Variants in ITGBL1 observed in about 807,000 individuals in gnomAD.
ITGBL1 encodes the protein integrin beta-like protein 1.
A neutral mutation model predicts 68.5 loss-of-function variants in ITGBL1; 51 were observed. The ratio of observed to expected loss-of-function variants is 0.74; its 90% CI spans 0.59 to 0.94. The LOEUF (loss-of-function observed/expected upper bound fraction) is 0.94. Among genes scored for constraint, ITGBL1 ranks in the 40% least tolerant of loss-of-function variants. The pLI, the probability that ITGBL1 is intolerant of heterozygous loss-of-function variation, is 0.00. For synonymous variants in ITGBL1, 209 were observed against 227.3 expected, an observed-to-expected ratio of 0.92 and a Z score of 0.72; for missense variants, 649 against 647.4, an observed-to-expected ratio of 1.00 and a Z score of -0.03.
intron 2 of ITGBL1, among the ~76,000 whole-genome samples, chr13:101,549,350 G>C (rs1032033175): frequency 6.6e-6 from 1 of 151,782 alleles, no homozygotes; most frequent in South Asian, 2.1e-4. Context: ...AAGCATAAGA[G>C]AATTTGATCA....
intron 2 of ITGBL1, among the ~76,000 whole-genome samples, chr13:101,512,259 C>T (rs2049127813): frequency 6.6e-6 from 1 of 151,896 alleles, no homozygotes; most frequent in Non-Finnish European, 1.5e-5. Context: ...GTATTTCTTC[C>T]TCACTTCTCG....
At chr13:101,617,734 C>A (rs1293737704) in intron 7 of ITGBL1, among the ~76,000 whole-genome samples, 1 of 152,058 alleles carries the variant, frequency 6.6e-6, no homozygotes, top group Non-Finnish European at 1.5e-5. Context: ...CTAAATCAAC[C>A]TTCAGCCGTA....
chr13:101,452,690 T>C lies in ITGBL1; in HGVS notation c.-144T>C. ...TCATCAACGCAATTGCAACTCCGGC[T>C]GGAGCCCCGGACCTGCAAGCCTGGG... On this transcript the variant is annotated 5_prime_UTR_variant, in exon 1 of 11. Transcript: ENST00000376180. 5 of 663,922 alleles carry C rather than the reference T, an allele frequency of 7.5e-6. No homozygotes were observed. Among genetic ancestry groups the C allele is most frequent in the South Asian group, 1.7e-5 (1 of 57,146 alleles). The allele number at this position is 663,922 out of a possible 1,614,324, so 41.1% of individuals were successfully genotyped here.
At chr13:101,718,617 A>G (rs1358520652), downstream of ITGBL1, 3 of 151,880 alleles carry the variant, frequency 2.0e-5, no homozygotes, top group South Asian at 6.2e-4. Flanking sequence ...AAAGTCAACT[A>G]AAGTGCTAAG....
chr13:101,488,937 G>C (rs1448722899), intron 2 of ITGBL1, among the ~76,000 whole-genome samples: 1 of 152,122 alleles, frequency 6.6e-6, no homozygotes, highest in Non-Finnish European at 1.5e-5. Context: ...CGCTGAAGTG[G>C]CCCAGCTGCA....
intron 7 of ITGBL1, among the ~76,000 whole-genome samples, chr13:101,653,654 A>G (rs1165840082): frequency 6.6e-6 from 1 of 152,102 alleles, no homozygotes; most frequent in Admixed American, 6.5e-5. Context: ...ATTATGAACT[A>G]TGACCACACA....
intron 2 of ITGBL1, among the ~76,000 whole-genome samples, chr13:101,478,395 T>C (rs4290341): frequency 0.14 from 21,613 of 152,062 alleles, 2,043 homozygotes; most frequent in East Asian, 0.43. Context: ...GGGGAAAAAC[T>C]GAAAGGCTTT....
At chr13:101,694,107 G>A (rs2033946662) in intron 8 of ITGBL1, among the ~76,000 whole-genome samples, 2 of 152,138 alleles carry the variant, frequency 1.3e-5, no homozygotes, top group Non-Finnish European at 2.9e-5. Context: ...TTTCAGCTCT[G>A]ATATTTAGTT....
chr13:101,640,656 C>T (rs2032331612), intron 7 of ITGBL1, among the ~76,000 whole-genome samples: 1 of 152,082 alleles, frequency 6.6e-6, no homozygotes, highest in East Asian at 1.9e-4. Flanking sequence ...TCAGGGGGTA[C>T]ATGTGCAGGT....
intron 7 of ITGBL1, among the ~76,000 whole-genome samples, chr13:101,667,266 C>T (rs2033244044): frequency 6.6e-6 from 1 of 152,104 alleles, no homozygotes; most frequent in African/African-American, 2.4e-5. Context: ...AACTAGAGGG[C>T]TAACATATAG....
At chr13:101,518,017 G>A (rs1041976239) in intron 2 of ITGBL1, among the ~76,000 whole-genome samples, 3 of 152,118 alleles carry the variant, frequency 2.0e-5, no homozygotes, top group African/African-American at 4.8e-5. Flanking sequence ...TGTACCTGCC[G>A]TGAAGTGTCC....
chr13:101,479,752 A>G (rs1164764050), intron 2 of ITGBL1, among the ~76,000 whole-genome samples: 1 of 152,138 alleles, frequency 6.6e-6, no homozygotes, highest in Admixed American at 6.5e-5. Flanking sequence ...CAAAGCTACA[A>G]TGAGATATCG....
At chr13:101,506,996 C>T (rs2049036250) in intron 2 of ITGBL1, among the ~76,000 whole-genome samples, 1 of 152,050 alleles carries the variant, frequency 6.6e-6, no homozygotes, top group South Asian at 2.1e-4. Flanking sequence ...AGAAGGAGAA[C>T]TGCTGGGGTG....
intron 2 of ITGBL1, among the ~76,000 whole-genome samples, chr13:101,481,720 C>T (rs764159149): frequency 1.2e-4 from 18 of 152,054 alleles, no homozygotes; most frequent in Non-Finnish European, 2.5e-4. Flanking sequence ...ATTGTTCTCT[C>T]TATATATACT....
At chr13:101,709,055 G>T (rs1049353033) in intron 9 of ITGBL1, among the ~76,000 whole-genome samples, 3 of 152,216 alleles carry the variant, frequency 2.0e-5, no homozygotes, top group Non-Finnish European at 2.9e-5. Context: ...AAGAATTGGG[G>T]AGAAGGAGAT....
chr13:101,704,444 A>C (rs2034207253), intron 8 of ITGBL1, among the ~76,000 whole-genome samples: 1 of 151,108 alleles, frequency 6.6e-6, no homozygotes. Flanking sequence ...AAGATGATTA[A>C]AGATAAACAT....
chr13:101,557,466 T>A (rs1026450569), intron 2 of ITGBL1, among the ~76,000 whole-genome samples: 15 of 152,262 alleles, frequency 9.9e-5, no homozygotes, highest in African/African-American at 3.6e-4. Context: ...AGTTTCTATT[T>A]CAAACCATGC....
Position 101,520,760 on chromosome 13 carries a change from G to A in ITGBL1, c.317-46939G>A, listed in dbSNP as rs143016894. On this transcript the variant is annotated intron_variant, in intron 2 of 10. Coordinates refer to ENST00000376180, the MANE Select transcript of ITGBL1 (RefSeq NM_004791.3). ...GGGAATGCAAGTCATTTGCTGAGAC[G>A]GCAAAACAAGAAGAGAGAAGCCAGA... 6.6e-5 allele frequency among the ~76,000 whole-genome samples: 10 copies of A among 152,294 alleles called. No individual in the cohort carries two copies. The East Asian group carries it at 9.6e-4, about 15-fold the overall frequency.
chr13:101,528,944 A>G (rs1228197998), intron 2 of ITGBL1, among the ~76,000 whole-genome samples: 2 of 152,068 alleles, frequency 1.3e-5, no homozygotes, highest in Non-Finnish European at 1.5e-5. Context: ...GTATTTCAAA[A>G]CTAGCTAAAT....
Sources: allele counts gnomAD v4.1 joint callset (sites outside exome capture counted in the v4.1 genomes callset), GRCh38; gene constraint gnomAD v4.1.1; transcripts MANE v1.5; gene names NCBI Gene and HGNC (gene_info 2026-07-23, HGNC 2026-07-21).